PTPRS: variants seen among roughly 807,000 people sequenced by gnomAD.
PTPRS encodes the protein protein tyrosine phosphatase receptor type S.
In PTPRS, 63 loss-of-function variants were observed where a neutral mutation model predicts 215.3. That is an observed-to-expected ratio of 0.29 (90% confidence interval 0.24 to 0.36). The LOEUF (loss-of-function observed/expected upper bound fraction) is 0.36, where lower values mean the gene tolerates loss of function less well. PTPRS is among the 10% of genes least tolerant of loss of function. PTPRS has a pLI of 1.00. For synonymous variants in PTPRS, 1,404 were observed against 1,191.4 expected (o/e 1.18, Z -3.68); for missense variants, 2,258 against 2,825.8 (o/e 0.80, Z 4.56).
chr19:5,285,336 G>C (rs1325694378), intron 2 of PTPRS, among the ~76,000 whole-genome samples: 2 of 152,156 alleles, frequency 1.3e-5, no homozygotes, highest in East Asian at 3.9e-4. Context: ...CTTCATGGTG[G>C]GGTGAGTCTT....
chr19:5,277,242 T>C (rs1218179097), intron 2 of PTPRS, among the ~76,000 whole-genome samples: 2 of 151,840 alleles, frequency 1.3e-5, no homozygotes, highest in Non-Finnish European at 2.9e-5. Context: ...TTATTTTTTT[T>C]CCCCGAGGGC....
chr19:5,281,247 G>A lies in PTPRS; in HGVS notation c.91+4803C>T, dbSNP rs574879620. Among the ~76,000 whole-genome samples the A allele has an allele frequency of 4.6e-5, 7 of 152,104 alleles. No individual in the cohort carries two copies. The East Asian group carries it at 1.2e-3, about 25-fold the overall frequency. On this transcript the variant is annotated intron_variant, in intron 2 of 37. Coordinates refer to ENST00000262963, the MANE Select transcript of PTPRS (RefSeq NM_002850.4). ...AGGCCAAAGCGGGAGGATCAACTGA[G>A]GTCAGGAGTTCGAGACCAGCTTGAA...
intron 1 of PTPRS, among the ~76,000 whole-genome samples, chr19:5,327,647 A>G (rs2147257985): frequency 6.6e-6 from 1 of 152,186 alleles, no homozygotes; most frequent in Non-Finnish European, 1.5e-5. Context: ...TCTGTTACCC[A>G]GAGTGCAATG....
chr19:5,334,615 G>A (rs1482933051), intron 1 of PTPRS, among the ~76,000 whole-genome samples: 2 of 152,196 alleles, frequency 1.3e-5, no homozygotes, highest in Admixed American at 6.5e-5. Flanking sequence ...AAGAGCCCTG[G>A]GGTGTGTGTG....
At chr19:5,245,716 G>C in intron 10 of PTPRS, 60 bp downstream of exon 10, 1 of 1,503,638 alleles carries the variant, frequency 6.7e-7, no homozygotes, top group Non-Finnish European at 8.9e-7. Context: ...ACCTGTGCCT[G>C]AAGTCGGGGA....
intron 11 of PTPRS, among the ~76,000 whole-genome samples, chr19:5,240,558 G>A (rs1599626214): frequency 1.3e-5 from 2 of 151,974 alleles, no homozygotes; most frequent in South Asian, 2.1e-4. Flanking sequence ...TCCCCCTTTC[G>A]GCCGGGCACG....
At position 5,222,157 on chromosome 19, in the gene PTPRS, A is replaced by T; in HGVS notation, c.3167T>A (p.Phe1056Tyr). ...MKTSVLLSWE[F>Y]PDNYNSPTPY... is the part of the protein sequence containing the mutation. ...TGTGGGTGAGTTGTAGTTGTCAGGG[A>T]ACTCCCAGCTGAGCAGAACTGATGT... is the stretch of plus-strand genomic sequence containing the variant. The change falls in exon 19 of 38, where the codon TTC becomes TAC. Residue 1056 changes from phenylalanine to tyrosine, a missense_variant. Phe to Tyr is a conservative substitution (Grantham distance 22). Around this residue, in one of 6 missense-constraint regions of PTPRS, gnomAD observed 361 missense variants for 332.6 expected, o/e 1.09. Coordinates refer to ENST00000262963, the MANE Select transcript of PTPRS (RefSeq NM_002850.4). 1 of 1,613,958 alleles carries T rather than the reference A, an allele frequency of 6.2e-7. No homozygotes were observed.
chr19:5,245,807 G>A lies in PTPRS; in HGVS notation c.957C>T (p.Val319=). Residue 319 remains valine (V), a synonymous_variant, in exon 10 of 38, where the codon GTC becomes GTT. Transcript: ENST00000262963. ...YTCVAMSSLG[V]IEAVAQITVK... ...CCGTGATCTGAGCAACCGCCTCAAT[G>A]ACGCCCAGGCTGGACATGGCCACGC... The A allele has an allele frequency of 6.2e-7, 1 of 1,611,028 alleles. No individual in the cohort carries two copies. The highest frequency in any genetic ancestry group is 8.5e-7 in the Non-Finnish European group (1 of 1,178,448).
At chr19:5,337,285 C>A (rs966620996) in intron 1 of PTPRS, among the ~76,000 whole-genome samples, 2 of 152,236 alleles carry the variant, frequency 1.3e-5, no homozygotes, top group Non-Finnish European at 2.9e-5. Context: ...CGAACTCTCT[C>A]CACGCCCCGC....
At chr19:5,319,709 G>A (rs749999058) in intron 1 of PTPRS, among the ~76,000 whole-genome samples, 21 of 152,000 alleles carry the variant, frequency 1.4e-4, no homozygotes, top group South Asian at 8.3e-4. Context: ...CACGCCAGGC[G>A]TGGTCCTGCC....
intron 2 of PTPRS, among the ~76,000 whole-genome samples, chr19:5,281,861 C>A (rs1005583811): frequency 1.3e-5 from 2 of 152,194 alleles, no homozygotes; most frequent in African/African-American, 4.8e-5. Flanking sequence ...CAAGACCGGG[C>A]GGGTGGGTGC....
intron 6 of PTPRS, 140 bp from the exon 7 acceptor site, chr19:5,260,962 A>G (rs2045948432): frequency 2.0e-6 from 2 of 1,012,950 alleles, no homozygotes; most frequent in Non-Finnish European, 3.0e-6. Flanking sequence ...AGCCCTGGGC[A>G]TACGGACCCT....
At chr19:5,301,820 G>A (rs565981557) in intron 1 of PTPRS, among the ~76,000 whole-genome samples, 5 of 151,868 alleles carry the variant, frequency 3.3e-5, no homozygotes, top group South Asian at 2.1e-4. Flanking sequence ...TCACTCTGTC[G>A]CTCAGGCTGG....
At chr19:5,290,733 G>A (rs1340109879) in intron 1 of PTPRS, among the ~76,000 whole-genome samples, 1 of 151,988 alleles carries the variant, frequency 6.6e-6, no homozygotes, top group African/African-American at 2.4e-5. Flanking sequence ...AGGAGAAGCT[G>A]AGGCTGATTA....
At chr19:5,281,319 G>A (rs755343010) in intron 2 of PTPRS, among the ~76,000 whole-genome samples, 19 of 151,990 alleles carry the variant, frequency 1.3e-4, no homozygotes, top group African/African-American at 4.1e-4. Context: ...AAATTAGCCC[G>A]GCATGGTGGC....
In PTPRS at chr19:5,229,627, C is replaced by T. The variant is rs1254439512; in HGVS notation, c.2213G>A (p.Arg738His). Residue 738 changes from arginine to histidine, a missense_variant, in exon 15 of 38, where the codon CGC becomes CAC. Physicochemically the swap from Arg to His is conservative, Grantham distance 29. Transcript: ENST00000262963. ...GGGCGCGGGCGAGCGCCACAGCACG[C>T]GGATGGCCGTGGCGTTGAGCGCCTC... ...EAEALNATAI[R>H]VLWRSPAPGR... 6 of 1,380,812 alleles carry T rather than the reference C, an allele frequency of 4.3e-6. No homozygotes were observed. The highest frequency in any genetic ancestry group is 2.5e-4 in the Middle Eastern group (1 of 3,992). The allele number at this position is 1,380,812 out of a possible 1,614,324, so 85.5% of individuals were successfully genotyped here.
At chr19:5,305,766 T>TATATATATA (rs372468377) in intron 1 of PTPRS, among the ~76,000 whole-genome samples, 13 of 109,748 alleles carry the variant, frequency 1.2e-4, no homozygotes, top group Middle Eastern at 4.3e-3. Context: ...TATATATATA[T>TATATATATA]TTTTTTTTTA....
chr19:5,216,292 G>C (rs564440954), intron 26 of PTPRS, among the ~76,000 whole-genome samples: 1 of 152,058 alleles, frequency 6.6e-6, no homozygotes, highest in Non-Finnish European at 1.5e-5. Context: ...CCCGATATCT[G>C]GGTCTGCAGA....
At chr19:5,240,405 G>T (rs1244595175) in intron 11 of PTPRS, 73 bp from the exon 12 acceptor site, 2 of 1,411,314 alleles carry the variant, frequency 1.4e-6, no homozygotes, top group East Asian at 2.7e-5. Context: ...CCTGCTGAGT[G>T]TCCCCACTAA....
Sources: allele counts gnomAD v4.1 joint callset (sites outside exome capture counted in the v4.1 genomes callset), GRCh38; gene constraint gnomAD v4.1.1; regional missense constraint gnomAD v4.1.1; transcripts MANE v1.5; gene names NCBI Gene and HGNC (gene_info 2026-07-23, HGNC 2026-07-21).